Variants in SEPHS1 observed in about 807,000 individuals in gnomAD.
SEPHS1 encodes zincore component SEPHS1.
In SEPHS1, 7 loss-of-function variants were observed where a neutral mutation model predicts 39.2. The ratio of observed to expected loss-of-function variants is 0.18; its 90% confidence interval spans 0.10 to 0.34. The LOEUF (loss-of-function observed/expected upper bound fraction) is 0.34. Ranked by LOEUF, SEPHS1 falls within the 10% of genes least tolerant of loss-of-function variation. The pLI is 1.00. For synonymous variants in SEPHS1, 190 were observed against 195.5 expected (o/e 0.97, Z 0.23); for missense variants, 253 against 514.5 (o/e 0.49, Z 4.92).
intron 8 of SEPHS1, among the ~76,000 whole-genome samples, chr10:13,320,058 C>T (rs1414621195): frequency 2.6e-5 from 4 of 152,132 alleles, no homozygotes; most frequent in Non-Finnish European, 5.9e-5. Flanking sequence ...AAATTTAAGA[C>T]TCATGAAACA....
intron 5 of SEPHS1, among the ~76,000 whole-genome samples, chr10:13,331,946 G>A (rs1833483928): frequency 6.6e-6 from 1 of 152,236 alleles, no homozygotes; most frequent in Admixed American, 6.5e-5. Flanking sequence ...CATTGCTGCT[G>A]GGAACGTAAA....
intron 7 of SEPHS1, among the ~76,000 whole-genome samples, chr10:13,323,750 T>TG: frequency 6.6e-6 from 1 of 151,814 alleles, no homozygotes; most frequent in East Asian, 1.9e-4. Flanking sequence ...TTTCTTTTTT[T>TG]TTTTTTTAAG....
intron 4 of SEPHS1, among the ~76,000 whole-genome samples, chr10:13,335,235 TC>T (rs1288006102): frequency 6.6e-6 from 1 of 152,068 alleles, no homozygotes; most frequent in Non-Finnish European, 1.5e-5. Flanking sequence ...GGTGGCCCTA[TC>T]CCCCGTCACC....
intron 8 of SEPHS1, among the ~76,000 whole-genome samples, chr10:13,320,202 G>C (rs1248021101): frequency 8.0e-6 from 1 of 124,878 alleles, no homozygotes; most frequent in Non-Finnish European, 1.7e-5. Context: ...TTTTTTTTTT[G>C]AGACGGAGTC....
At chr10:13,324,767 T>G (rs768209240) in intron 7 of SEPHS1, among the ~76,000 whole-genome samples, 2 of 152,216 alleles carry the variant, frequency 1.3e-5, no homozygotes, top group Non-Finnish European at 2.9e-5. Flanking sequence ...CAAGCCACCA[T>G]GCCCAGCTAA....
At chr10:13,343,446 C>A (rs1833849523) in intron 2 of SEPHS1, among the ~76,000 whole-genome samples, 1 of 152,118 alleles carries the variant, frequency 6.6e-6, no homozygotes, top group Non-Finnish European at 1.5e-5. Context: ...TATCTGCTTT[C>A]TCTATCTGGG....
At chr10:13,322,500 T>A (rs530631825) in intron 8 of SEPHS1, among the ~76,000 whole-genome samples, 11 of 152,202 alleles carry the variant, frequency 7.2e-5, no homozygotes, top group Admixed American at 1.3e-4. Flanking sequence ...AGGAAAAAAA[T>A]ATCACCTGTT....
intron 7 of SEPHS1, among the ~76,000 whole-genome samples, chr10:13,324,350 T>C (rs963600416): frequency 5.3e-5 from 8 of 152,266 alleles, no homozygotes; most frequent in East Asian, 1.9e-4. Flanking sequence ...AAGAAATGAA[T>C]GGCTGCTTCC....
chr10:13,332,821 C>A (rs368690698), intron 5 of SEPHS1, among the ~76,000 whole-genome samples: 1 of 149,784 alleles, frequency 6.7e-6, no homozygotes, highest in Non-Finnish European at 1.5e-5. Flanking sequence ...CCAGCCTGGG[C>A]GACGGAGTAA....
At chr10:13,321,021 C>A (rs905094290) in intron 8 of SEPHS1, among the ~76,000 whole-genome samples, 1 of 152,148 alleles carries the variant, frequency 6.6e-6, no homozygotes, top group East Asian at 1.9e-4. Context: ...TTTTTTTAAA[C>A]GGGAGGCTGA....
chr10:13,321,224 G>C (rs1240230547), intron 8 of SEPHS1, among the ~76,000 whole-genome samples: 1 of 151,420 alleles, frequency 6.6e-6, no homozygotes, highest in East Asian at 1.9e-4. Flanking sequence ...ACCGTTTTTG[G>C]GAGGCTGGGG....
At chr10:13,325,445 T>C (rs796206608) in intron 7 of SEPHS1, among the ~76,000 whole-genome samples, 161 of 152,250 alleles carry the variant, frequency 1.1e-3, no homozygotes, top group African/African-American at 3.9e-3. Flanking sequence ...GGTGAATGAA[T>C]TCTCATGAGA....
intron 3 of SEPHS1, 124 bp from the exon 4 acceptor site, chr10:13,336,474 T>C: frequency 1.4e-6 from 1 of 727,306 alleles, no homozygotes; most frequent in Non-Finnish European, 2.5e-6. Context: ...GCTACTAGGA[T>C]GGGGTCCTCA....
At chr10:13,343,276 G>T (rs1241242765) in intron 2 of SEPHS1, among the ~76,000 whole-genome samples, 3 of 152,012 alleles carry the variant, frequency 2.0e-5, no homozygotes, top group African/African-American at 7.3e-5. Flanking sequence ...CGACAAATAA[G>T]CCAACATCAA....
chr10:13,332,016 A>G (rs1833486606), intron 5 of SEPHS1, among the ~76,000 whole-genome samples: 1 of 152,232 alleles, frequency 6.6e-6, no homozygotes. Context: ...TAATTACCAC[A>G]TGACCCAGTC....
intron 8 of SEPHS1, among the ~76,000 whole-genome samples, chr10:13,321,830 G>C (rs1025722225): frequency 2.6e-5 from 4 of 152,210 alleles, no homozygotes; most frequent in African/African-American, 9.7e-5. Context: ...TACCTGCCAT[G>C]ATGAAGAGGA....
chr10:13,322,308 C>CA (rs1402611918), intron 8 of SEPHS1, among the ~76,000 whole-genome samples: 1 of 150,744 alleles, frequency 6.6e-6, no homozygotes, highest in Non-Finnish European at 1.5e-5. Flanking sequence ...CGCCCAGCTA[C>CA]TTTTTTTTTG....
chr10:13,319,849 C>A (rs1468814837), intron 8 of SEPHS1, among the ~76,000 whole-genome samples: 2 of 152,172 alleles, frequency 1.3e-5, no homozygotes, highest in Non-Finnish European at 2.9e-5. Flanking sequence ...ATATACACTC[C>A]AACTTTCAAC....
intron 4 of SEPHS1, among the ~76,000 whole-genome samples, chr10:13,334,761 T>A (rs1218144295): frequency 6.6e-6 from 1 of 152,158 alleles, no homozygotes; most frequent in Non-Finnish European, 1.5e-5. Flanking sequence ...TTGTCATCAT[T>A]TTATCCAATG....
Sources: allele counts gnomAD v4.1 joint callset (sites outside exome capture counted in the v4.1 genomes callset), GRCh38; gene constraint gnomAD v4.1.1; transcripts MANE v1.5; gene names NCBI Gene and HGNC (gene_info 2026-07-23, HGNC 2026-07-21).